DACT2: variants seen among roughly 807,000 people sequenced by gnomAD.
DACT2 encodes the protein dapper homolog 2.
Under a neutral mutation model 22.2 loss-of-function variants are expected in DACT2, and 20 were observed. The observed-to-expected ratio is 0.90, with a 90% confidence interval of 0.63 to 1.31. DACT2 has a LOEUF of 1.31. Among genes scored for constraint, DACT2 ranks in the 50% most tolerant of loss-of-function variants. The probability of loss-of-function intolerance (pLI) is 0.00; values close to 1 mark genes in which losing one functional copy is unlikely to be tolerated. For synonymous variants in DACT2, 463 were observed against 479.8 expected (o/e 0.96, Z 0.46); for missense variants, 1,048 against 1,061.4 (o/e 0.99, Z 0.18).
chr6:168,293,558 T>C (rs929984051), exon 6 of DACT2: 29 of 281,842 alleles, frequency 1.0e-4, no homozygotes, highest in Non-Finnish European at 1.8e-4. Context: ...CTGAACATGG[T>C]GCTTATGGCC....
intron 3 of DACT2, among the ~76,000 whole-genome samples, chr6:168,296,001 T>C (rs920519610): frequency 3.5e-4 from 53 of 151,648 alleles, no homozygotes; most frequent in South Asian, 3.0e-3. Flanking sequence ...GAGATGGTCA[T>C]GGAGGTCATG....
chr6:168,294,576 TGTA>T, intron 4 of DACT2: 1 of 151,350 alleles, frequency 6.6e-6, no homozygotes, highest in Non-Finnish European at 1.1e-5. Context: ...TGTGTGTGTG[TGTA>T]TATATATATA....
At chr6:168,300,830 T>A (rs2114896069) in intron 3 of DACT2, among the ~76,000 whole-genome samples, 1 of 151,740 alleles carries the variant, frequency 6.6e-6, no homozygotes, top group Non-Finnish European at 1.5e-5. Flanking sequence ...GCTAAAGATA[T>A]AAAAAATTAG....
rs1038461938 is a variant in DACT2 at position 168,294,728 on chromosome 6, T to C, written c.659-24A>G. On this transcript the variant is annotated intron_variant, in intron 3 of 5. Coordinates refer to the DACT2 transcript ENST00000366796. ...CTCTGGTAAGAACAAAATGCAAATG[T>C]GCGTGAGAGCTACAGAACACACCTG... 2.9e-6 allele frequency: 4 copies of C among 1,357,460 alleles called. No individual in the cohort carries two copies. The African/African-American group carries it at 6.1e-5, about 21-fold the overall frequency. The allele number at this position is 1,357,460 out of a possible 1,614,324, so 84.1% of individuals were successfully genotyped here.
intron 2 of DACT2, 70 bp from the exon 3 acceptor site, chr6:168,310,516 G>A: frequency 6.6e-7 from 1 of 1,511,000 alleles, no homozygotes. Context: ...CTCCTCCTGA[G>A]CTTGTCACGG....
At chr6:168,294,577 G>GTATATATATATATATATATATATA (rs1554269708) in intron 4 of DACT2, 46 of 124,452 alleles carry the variant, frequency 3.7e-4, no homozygotes, top group African/African-American at 2.1e-3. Context: ...GTGTGTGTGT[G>GTATATATATATATATATATATATA]TATATATATA....
At position 168,309,002 on chromosome 6, in the gene DACT2, G is replaced by A. The variant is rs1041701674; in HGVS notation, c.755C>T (p.Pro252Leu). Residue 252 changes from proline to leucine, a missense_variant, in exon 4 of 4, where the codon CCG becomes CTG. Pro to Leu is a moderately conservative substitution (Grantham distance 98). Transcript: ENST00000366795. ...LGLLCQGVDIPLHVPDPKYRQ... is the reference protein window; with the variant it reads ...LGLLCQGVDILLHVPDPKYRQ... ...ATACTTGGGGTCCGGCACGTGCAGCGGGATATCCACCCCCTGGCAGAGGAG... is the reference window on the plus strand; with the variant it reads ...ATACTTGGGGTCCGGCACGTGCAGCAGGATATCCACCCCCTGGCAGAGGAG... 6.1e-5 allele frequency: 94 copies of A among 1,548,670 alleles called. No individual in the cohort carries two copies. Among genetic ancestry groups the A allele is most frequent in the African/African-American group, 2.2e-4 (16 of 73,188 alleles).
At chr6:168,309,273 A>C (rs568913431) in intron 3 of DACT2, among the ~76,000 whole-genome samples, 175 bp from the exon 4 acceptor site, 1 of 151,902 alleles carries the variant, frequency 6.6e-6, no homozygotes, top group African/African-American at 2.4e-5. Flanking sequence ...GTGTAGACAC[A>C]GGGCGCGGGG....
rs1173848342 is a variant in DACT2, at chr6:168,310,260, G to A, written c.566C>T (p.Pro189Leu). ...CCTGGCGCCCTCCTCGGTAGCCTGG[G>A]GTCTCCACGCTGGCACAGTAGTCTC... ...VDETTVPAWR[P>L]QATEEGARPP... Residue 189 changes from proline to leucine, a missense_variant, in exon 3 of 4, where the codon CCC (proline) becomes CTC (leucine). Physicochemically the swap from Pro to Leu is moderately conservative, Grantham distance 98. Coordinates refer to ENST00000366795, the MANE Select transcript of DACT2 (RefSeq NM_214462.5). The A allele has an allele frequency of 2.6e-6, 4 of 1,551,416 alleles. No homozygotes were observed. The African/African-American group carries it at 4.1e-5, about 16-fold the overall frequency.
chr6:168,307,156 A>C lies in DACT2; in HGVS notation c.*276T>G. Reference sequence around the variant, plus strand: ...CATGGAAACAAGGTGCATGCCGGGAAGCAGCATCCTGGGCAGACCTTGAAA... The same window carrying C: ...CATGGAAACAAGGTGCATGCCGGGACGCAGCATCCTGGGCAGACCTTGAAA... On this transcript the variant is annotated 3_prime_UTR_variant, in exon 4 of 4. Transcript: ENST00000366795. This position sits in a 1 kb window ranked among gnomAD's most constrained non-coding sequence, Gnocchi z 5.3. 3 of 1,260,574 alleles carry C rather than the reference A, an allele frequency of 2.4e-6. No homozygotes were observed. The highest frequency in any genetic ancestry group is 3.8e-5 in the East Asian group (1 of 26,434). 78.1% of individuals were successfully genotyped at this position (1,260,574 alleles called of 1,614,324 possible). A position where few individuals can be genotyped will look rare whatever the true frequency, so the allele number is the denominator to read the frequency against.
downstream of DACT2, among the ~76,000 whole-genome samples, chr6:168,304,954 C>T (rs1333578293): frequency 6.6e-6 from 1 of 152,202 alleles, no homozygotes; most frequent in Non-Finnish European, 1.5e-5. Context: ...TACTCCAAAG[C>T]TACTGGAGAG....
Position 168,308,256 on chromosome 6 carries a change from T to C in DACT2, c.1501A>G (p.Arg501Gly). 6.4e-7 allele frequency: 1 copy of C among 1,552,240 alleles called. No individual in the cohort carries two copies. The highest frequency in any genetic ancestry group is 8.7e-7 in the Non-Finnish European group (1 of 1,147,112). The part of the protein sequence containing the change: ...PPKSKAEKIK[R>G]SPMDKVLRFA... ...CTCAGCACCTTGTCCATGGGACTTCTCTTGATTTTTTCAGCCTTGCTCTTG... is the reference window on the plus strand; with the variant it reads ...CTCAGCACCTTGTCCATGGGACTTCCCTTGATTTTTTCAGCCTTGCTCTTG... Residue 501 changes from arginine to glycine, a missense_variant, in exon 4 of 4, where the codon AGA becomes GGA. Physicochemically the swap from Arg to Gly is moderately radical, Grantham distance 125 (BLOSUM62 -2). Coordinates refer to ENST00000366795, the MANE Select transcript of DACT2 (RefSeq NM_214462.5).
rs1240219705 is a variant in DACT2 at position 168,307,909 on chromosome 6, C to T, written c.1848G>A (p.Ser616=). 7.1e-6 allele frequency: 11 copies of T among 1,543,492 alleles called. No homozygotes were observed. The highest frequency in any genetic ancestry group is 2.4e-5 in the East Asian group (1 of 40,870). ...GACAGCTGGCCAGGCGGGCCCGGGC[C>T]GAGATCTCCACGGTGGACTGCCAGC... is the stretch of plus-strand genomic sequence containing the variant. ...HRRWQSTVEI[S]ARARLASCPE... The change falls in exon 4 of 4, where the codon TCG becomes TCA. Residue 616 remains serine, a synonymous_variant. Transcript: ENST00000366795. The surrounding 1 kb of genome is among the most constrained non-coding windows in gnomAD (Gnocchi z 5.3).
chr6:168,319,058 G>A (rs1404974699), intron 1 of DACT2, among the ~76,000 whole-genome samples: 1 of 152,104 alleles, frequency 6.6e-6, no homozygotes, highest in Non-Finnish European at 1.5e-5. Flanking sequence ...GATCAGTGCT[G>A]TAACCCTGTA....
chr6:168,299,685 G>C (rs552711051), intron 3 of DACT2: 1 of 152,356 alleles, frequency 6.6e-6, no homozygotes, highest in East Asian at 1.9e-4. Flanking sequence ...TTTGCTTTCA[G>C]CGAACTCAGC....
downstream of DACT2, among the ~76,000 whole-genome samples, chr6:168,305,641 GCCCA>G (rs1779190376): frequency 6.6e-6 from 1 of 152,158 alleles, no homozygotes; most frequent in Non-Finnish European, 1.5e-5. Flanking sequence ...CTGAGGCTGC[GCCCA>G]CAGTCCTCAG....
At chr6:168,302,775 T>A (rs377137933), downstream of DACT2, among the ~76,000 whole-genome samples, 8 of 152,246 alleles carry the variant, frequency 5.3e-5, no homozygotes, top group East Asian at 1.5e-3. Context: ...ACTGAGTGAA[T>A]GAAAGAACAC....
chr6:168,311,527 CACACACACCCATCCACACACACAT>C (rs1779400115), intron 1 of DACT2, among the ~76,000 whole-genome samples: 1 of 151,026 alleles, frequency 6.6e-6, no homozygotes, highest in African/African-American at 2.4e-5. Context: ...CACAAACACA[CACACACACCCATCCACACACACAT>C]ACACACACTC....
Position 168,309,098 on chromosome 6 carries a change from C to A in DACT2, c.659G>T (p.Gly220Val). The A allele has an allele frequency of 2.6e-6, 4 of 1,509,508 alleles. No individual in the cohort carries two copies. In the South Asian group the frequency reaches 4.9e-5, roughly 19 times the overall value. The allele number at this position is 1,509,508 out of a possible 1,614,324, so 93.5% of individuals were successfully genotyped here. ...GTFWPRPVST[G>V]DLDRALPADT... ...CGCCGGCAGGGCTCTGTCAAGATCA[C>A]CTGGGAGCGAGAAAAATGAACAAAC... is the stretch of plus-strand genomic sequence containing the variant. The change falls in exon 4 of 4, where the codon GGT becomes GTT. Residue 220 changes from glycine (G) to valine (V), a missense_variant and splice_region_variant. Gly to Val is a moderately radical substitution (Grantham distance 109, BLOSUM62 -3). Coordinates refer to ENST00000366795, the MANE Select transcript of DACT2 (RefSeq NM_214462.5).
Sources: gnomAD v4.1 joint callset for allele counts (sites outside exome capture counted in the v4.1 genomes callset) on GRCh38, gnomAD v4.1.1 for gene constraint, Gnocchi (gnomAD v3.1) non-coding constraint, MANE v1.5 for transcripts, NCBI Gene and HGNC (gene_info 2026-07-23, HGNC 2026-07-21) for gene names.